TDO2: variants seen among roughly 807,000 people sequenced by gnomAD.
The protein encoded by TDO2 is tryptamin 2,3-dioxygenase.
In TDO2, 63 loss-of-function variants were observed where a neutral mutation model predicts 61.2. The ratio of observed to expected loss-of-function variants is 1.03; its 90% CI spans 0.84 to 1.27. TDO2 has a LOEUF of 1.27. Among genes scored for constraint, TDO2 ranks in the 50% most tolerant of loss-of-function variants. The pLI is 0.00. For synonymous variants in TDO2, 183 were observed against 164.0 expected, an observed-to-expected ratio of 1.12 and a Z score of -0.89; for missense variants, 494 against 469.5, an observed-to-expected ratio of 1.05 and a Z score of -0.48.
Position 155,914,440 on chromosome 4 carries a change from T to C in TDO2, c.838+6T>C, listed in dbSNP as rs779509793. On this transcript the variant is annotated splice_donor_region_variant and intron_variant, in intron 8 of 11. Coordinates refer to ENST00000536354, the MANE Select transcript of TDO2 (RefSeq NM_005651.4). ...TGAACATCTCCTTAGTAAAGGCAGG[T>C]ATTTTTACTTTATGAATCTTTTCCC... 35 of 1,558,796 alleles carry C rather than the reference T, an allele frequency of 2.2e-5. No individual in the cohort carries two copies. The African/African-American group carries it at 4.5e-4, about 20-fold the overall frequency.
chr4:155,912,208 GA>G (rs1456443356), intron 7 of TDO2, among the ~76,000 whole-genome samples: 2 of 152,142 alleles, frequency 1.3e-5, no homozygotes, highest in African/African-American at 4.8e-5. Context: ...ACAACTATGT[GA>G]CAGAGAACAA....
At chr4:155,917,176 A>C (rs1025886047) in intron 9 of TDO2, among the ~76,000 whole-genome samples, 3 of 152,148 alleles carry the variant, frequency 2.0e-5, no homozygotes, top group Non-Finnish European at 4.4e-5. Context: ...TATTACATGG[A>C]CTTTTCTAGG....
At position 155,913,396 on chromosome 4, in the gene TDO2, G is replaced by C. The variant is rs181853992; in HGVS notation, c.727-927G>C. On this transcript the variant is annotated intron_variant, in intron 7 of 11. Coordinates refer to ENST00000536354, the MANE Select transcript of TDO2 (RefSeq NM_005651.4). The stretch of plus-strand genomic sequence containing the variant: ...AGTCCTTTTATGTGTTCTTCTCTGG[G>C]CTTGGAATGTTCTTCCCCAACTAAC... Among the ~76,000 whole-genome samples the C allele has an allele frequency of 2.8e-4, 42 of 152,076 alleles. 1 individual carries two copies. Among genetic ancestry groups the C allele is most frequent in the Admixed American group, 9.8e-4 (15 of 15,264 alleles).
At chr4:155,907,828 A>T in intron 4 of TDO2, 36 bp downstream of exon 4, 1 of 1,525,204 alleles carries the variant, frequency 6.6e-7, no homozygotes, top group South Asian at 1.2e-5. Context: ...TTTCATGTAT[A>T]TTTTTGGAAG....
intron 10 of TDO2, among the ~76,000 whole-genome samples, chr4:155,917,937 G>A (rs577217021): frequency 9.2e-5 from 14 of 152,240 alleles, no homozygotes; most frequent in Non-Finnish European, 1.9e-4. Context: ...TGCAGCGAAG[G>A]ATGGAGTGAA....
At position 155,904,139 on chromosome 4, in the gene TDO2, C is replaced by G. The variant is rs746794139; in HGVS notation, c.141+16C>G. 19 of 1,589,606 alleles carry G rather than the reference C, an allele frequency of 1.2e-5. No homozygotes were observed. Among genetic ancestry groups the G allele is most frequent in the Non-Finnish European group, 1.6e-5 (19 of 1,159,426 alleles). ...CTACCTGCATGTAAGTGGCAGGGTC[C>G]TTACAGGGTTTGGTGTCCATTGTTA... On this transcript the variant is annotated intron_variant, in intron 2 of 11. Transcript: ENST00000536354.
rs765095508 is a variant in TDO2 at position 155,914,323 on chromosome 4, G to T, written c.727G>T (p.Ala243Ser). The change falls in exon 8 of 12, where the codon GCT (alanine) becomes TCT (serine). Residue 243 changes from alanine to serine, a missense_variant and splice_region_variant. Coordinates refer to ENST00000536354, the MANE Select transcript of TDO2 (RefSeq NM_005651.4). ...GLEEEFIRIQ[A>S]KEESEEKEEQ... ...TATTAATGCCATATTTTTCCTAAAG[G>T]CTAAAGAAGAGTCTGAAGAAAAAGA... The T allele has an allele frequency of 1.9e-6, 3 of 1,601,092 alleles. No homozygotes were observed. The highest frequency in any genetic ancestry group is 2.6e-6 in the Non-Finnish European group (3 of 1,176,208).
At chr4:155,911,191 A>G (rs1742822434) in intron 6 of TDO2, among the ~76,000 whole-genome samples, 1 of 152,054 alleles carries the variant, frequency 6.6e-6, no homozygotes, top group Admixed American at 6.5e-5. Context: ...ATGTTTAGAT[A>G]GAACATATGT....
intron 7 of TDO2, among the ~76,000 whole-genome samples, chr4:155,913,910 G>C (rs1455476008): frequency 2.0e-5 from 3 of 152,012 alleles, no homozygotes; most frequent in Non-Finnish European, 4.4e-5. Context: ...ACTGAATATA[G>C]AACATAGAAT....
At chr4:155,911,209 T>C (rs1434515756) in intron 6 of TDO2, among the ~76,000 whole-genome samples, 2 of 152,008 alleles carry the variant, frequency 1.3e-5, no homozygotes, top group Non-Finnish European at 2.9e-5. Context: ...TGTTTAAATA[T>C]GTTTGTAGAT....
rs1742973166 is a variant in TDO2, at chr4:155,917,953, T to C, written c.977-196T>C. On this transcript the variant is annotated intron_variant, in intron 10 of 11. Transcript: ENST00000536354. Reference sequence around the variant, plus strand: ...GCAGCGAAGGATGGAGTGAAATGCATGTAGCCTGAAGCAAGTGGAGCGCTA... The same window carrying C: ...GCAGCGAAGGATGGAGTGAAATGCACGTAGCCTGAAGCAAGTGGAGCGCTA... 2.0e-5 allele frequency among the ~76,000 whole-genome samples: 3 copies of C among 152,164 alleles called. No individual in the cohort carries two copies. In the South Asian group the frequency reaches 6.2e-4, roughly 32 times the overall value.
chr4:155,915,595 G>A (rs1742917368), intron 8 of TDO2, among the ~76,000 whole-genome samples: 1 of 152,066 alleles, frequency 6.6e-6, no homozygotes, highest in Admixed American at 6.5e-5. Context: ...GAAAAATCAG[G>A]TTTTCCTAAC....
At chr4:155,916,020 A>T in intron 9 of TDO2, 108 bp downstream of exon 9, 1 of 928,204 alleles carries the variant, frequency 1.1e-6, no homozygotes, top group Non-Finnish European at 1.6e-6. Context: ...GCAGTAATTT[A>T]GTTTTTGTAG....
chr4:155,904,883 A>G (rs1465022709), intron 2 of TDO2, among the ~76,000 whole-genome samples, 184 bp from the exon 3 acceptor site: 1 of 152,210 alleles, frequency 6.6e-6, no homozygotes, highest in Non-Finnish European at 1.5e-5. Context: ...TGAGAAGAAT[A>G]AAAATCACAA....
At position 155,917,389 on chromosome 4, in the gene TDO2, CT is replaced by C; in HGVS notation, c.897-3del. Reference sequence around the variant, plus strand: ...TATTCTTCTTTTTCTTCTTTTTTTCCTTTAGGGAAGAGCCTAGGTTCCAGGT... The same window carrying C: ...TATTCTTCTTTTTCTTCTTTTTTTCCTTAGGGAAGAGCCTAGGTTCCAGGT... On this transcript the variant is annotated splice_region_variant and splice_polypyrimidine_tract_variant and intron_variant, in intron 9 of 11. Coordinates refer to ENST00000536354, the MANE Select transcript of TDO2 (RefSeq NM_005651.4). 6.2e-7 allele frequency: 1 copy of C among 1,600,800 alleles called. No homozygotes were observed. Among genetic ancestry groups the C allele is most frequent in the Non-Finnish European group, 8.5e-7 (1 of 1,175,130 alleles).
intron 10 of TDO2, 46 bp from the exon 11 acceptor site, chr4:155,918,103 T>C (rs1742975352): frequency 6.4e-7 from 1 of 1,567,984 alleles, no homozygotes; most frequent in South Asian, 1.1e-5. Context: ...ATTGTGGAAC[T>C]AATGGTGGAA....
chr4:155,919,895 C>T lies in TDO2; in HGVS notation c.1126C>T (p.His376Tyr), dbSNP rs903190451. 3 of 1,613,636 alleles carry T rather than the reference C, an allele frequency of 1.9e-6. No homozygotes were observed. The highest frequency in any genetic ancestry group is 2.2e-5 in the East Asian group (1 of 44,788). ...TCTTTCAACATACCTGATTCCCCGA[C>T]ACTGGATACCGAAGATGAACCCAAC... ...FNLSTYLIPR[H>Y]WIPKMNPTIH... The change falls in exon 12 of 12, where the codon CAC becomes TAC. Residue 376 changes from histidine (H) to tyrosine (Y), a missense_variant. His to Tyr is a moderately conservative substitution (Grantham distance 83). Transcript: ENST00000536354.
chr4:155,918,325 C>T (rs1742981938), intron 11 of TDO2, 86 bp downstream of exon 11: 12 of 1,248,994 alleles, frequency 9.6e-6, no homozygotes, highest in East Asian at 2.4e-5. Context: ...TAAAAAAAGC[C>T]ATTTTATTTG....
intron 8 of TDO2, among the ~76,000 whole-genome samples, chr4:155,915,476 A>G (rs1313560173): frequency 6.6e-6 from 1 of 152,218 alleles, no homozygotes; most frequent in African/African-American, 2.4e-5. Flanking sequence ...GAATTAATGA[A>G]AACTACTTTG....
Sources: gnomAD v4.1 joint callset for allele counts (sites outside exome capture counted in the v4.1 genomes callset) on GRCh38, gnomAD v4.1.1 for gene constraint, MANE v1.5 for transcripts, NCBI Gene and HGNC (gene_info 2026-07-23, HGNC 2026-07-21) for gene names.